The following TASOR2 variants were observed in gnomAD, a reference collection of about 807,000 sequenced individuals.
TASOR2 encodes the protein transcription activation suppressor family member 2.
A neutral mutation model predicts 199.5 loss-of-function variants in TASOR2; 84 were observed. The observed-to-expected ratio is 0.42, with a 90% CI of 0.35 to 0.50. The LOEUF (loss-of-function observed/expected upper bound fraction) is 0.50. Among genes scored for constraint, TASOR2 ranks in the 20% least tolerant of loss-of-function variants. The pLI is 0.02. For synonymous variants in TASOR2, 1,103 were observed against 1,046.6 expected (o/e 1.05, Z -1.04); for missense variants, 2,796 against 2,835.9 (o/e 0.99, Z 0.32).
rs1037302020 is a variant in TASOR2, at chr10:5,719,212, A to G, written c.-99-1332A>G. Among the ~76,000 whole-genome samples, 3 of 152,334 alleles carry G rather than the reference A, an allele frequency of 2.0e-5. No homozygotes were observed. Among genetic ancestry groups the G allele is most frequent in the East Asian group, 1.9e-4 (1 of 5,190 alleles). On this transcript the variant is annotated intron_variant, in intron 3 of 20. Transcript: ENST00000328090. The surrounding 1 kb of genome is among the most constrained non-coding windows in gnomAD (Gnocchi z 4.1). ...AAAAATTAAAATTGCCTATAGTCCC[A>G]TATCCCATTTTGATATAAGTTAATA...
chr10:5,760,092 G>T (rs559898124), intron 18 of TASOR2, among the ~76,000 whole-genome samples: 26 of 152,320 alleles, frequency 1.7e-4, no homozygotes, highest in African/African-American at 5.3e-4. Context: ...TTTTGTCTAT[G>T]TGCAGACATA....
chr10:5,717,640 A>G lies in TASOR2; in HGVS notation c.-191-19A>G. 2.7e-6 allele frequency: 3 copies of G among 1,095,566 alleles called. No homozygotes were observed. The highest frequency in any genetic ancestry group is 4.6e-5 in the South Asian group (1 of 21,598). 67.9% of individuals were successfully genotyped at this position (1,095,566 alleles called of 1,614,324 possible). A position where few individuals can be genotyped will look rare whatever the true frequency, so the allele number is the denominator to read the frequency against. Reference sequence around the variant, plus strand: ...TGATGGGCAATCTGCTGCTTAATCTATATTTTATACTTTTACAGGTGTATA... The same window carrying G: ...TGATGGGCAATCTGCTGCTTAATCTGTATTTTATACTTTTACAGGTGTATA... On this transcript the variant is annotated intron_variant, in intron 2 of 20. Coordinates refer to ENST00000328090, the Ensembl canonical transcript of TASOR2.
chr10:5,696,434 A>G (rs766169621), intron 1 of TASOR2, among the ~76,000 whole-genome samples: 2 of 152,170 alleles, frequency 1.3e-5, no homozygotes, highest in South Asian at 2.1e-4. Flanking sequence ...ATAACTCACT[A>G]TAGCGTTGAA....
In TASOR2 at chr10:5,749,173, C is replaced by T. The variant is rs747192042; in HGVS notation, c.5752C>T (p.Leu1918Phe). 2.5e-6 allele frequency: 4 copies of T among 1,613,944 alleles called. No homozygotes were observed. In the Admixed American group the frequency reaches 6.7e-5, roughly 27 times the overall value. The change falls in exon 15 of 21, where the codon CTC (leucine) becomes TTC (phenylalanine). Residue 1918 changes from leucine (L) to phenylalanine (F), a missense_variant. Physicochemically the swap from Leu to Phe is conservative, Grantham distance 22 (BLOSUM62 0). Around this residue, in one of 3 missense-constraint regions of TASOR2, gnomAD observed 1,941 missense variants for 1,924.9 expected, o/e 1.01. Transcript: ENST00000328090. ...GCCGCCTTACGTCCAAATCCGAGAT[C>T]TCCACGGGATCCTCAGGACTTACGC...
At chr10:5,733,666 G>T (rs1168660793) in intron 11 of TASOR2, among the ~76,000 whole-genome samples, 3 of 152,162 alleles carry the variant, frequency 2.0e-5, no homozygotes, top group Admixed American at 6.5e-5. Context: ...CAACACCTGG[G>T]AGTACTTGGG....
At chr10:5,733,268 G>A (rs1835090371) in intron 11 of TASOR2, among the ~76,000 whole-genome samples, 1 of 152,188 alleles carries the variant, frequency 6.6e-6, no homozygotes, top group East Asian at 1.9e-4. Context: ...AACACTTTGG[G>A]AGGCTGAGGC....
rs554323208 is a variant in TASOR2 at position 5,757,767 on chromosome 10, C to T, written c.6886+94C>T. ...TGTTTCATCCAAAAGAAATGATCAA[C>T]TCTAAGGAATATCAGTTGCCCCCTA... is the stretch of plus-strand genomic sequence containing the variant. On this transcript the variant is annotated intron_variant, in intron 17 of 20. Transcript: ENST00000328090. 8.9e-4 allele frequency: 1,222 copies of T among 1,372,156 alleles called. 2 individuals carry two copies. The highest frequency in any genetic ancestry group is 9.8e-4 in the Non-Finnish European group (964 of 983,942). The allele number at this position is 1,372,156 out of a possible 1,614,324, so 85.0% of individuals were successfully genotyped here.
exon 11 of TASOR2, chr10:5,731,124 T>C (rs1212782385): frequency 4.3e-6 from 7 of 1,612,936 alleles, no homozygotes; most frequent in Non-Finnish European, 5.9e-6. Context: ...AAAGAACTGC[T>C]TCCAGAGCAG....
chr10:5,723,043 CTTTTTTTTTTT>C (rs1183983010), intron 6 of TASOR2, among the ~76,000 whole-genome samples: 1 of 72,896 alleles, frequency 1.4e-5, no homozygotes, highest in Non-Finnish European at 2.4e-5. Context: ...CAGGAAATAA[CTTTTTTTTTTT>C]TTTTTTTTTT....
chr10:5,719,206 A>C lies in TASOR2; in HGVS notation c.-99-1338A>C, dbSNP rs1833046646. Among the ~76,000 whole-genome samples the C allele has an allele frequency of 6.6e-6, 1 of 152,246 alleles. No individual in the cohort carries two copies. The highest frequency in any genetic ancestry group is 1.5e-5 in the Non-Finnish European group (1 of 68,038). On this transcript the variant is annotated intron_variant, in intron 3 of 20. Coordinates refer to ENST00000328090, the Ensembl canonical transcript of TASOR2. This position sits in a 1 kb window ranked among gnomAD's most constrained non-coding sequence, Gnocchi z 4.1. The stretch of plus-strand genomic sequence containing the variant: ...TCTTATAAAAATTAAAATTGCCTAT[A>C]GTCCCATATCCCATTTTGATATAAG...
Position 5,740,648 on chromosome 10 carries a change from G to T in TASOR2, c.2327+151G>T. On this transcript the variant is annotated intron_variant, in intron 13 of 20. Transcript: ENST00000328090. The surrounding 1 kb of genome is among the most constrained non-coding windows in gnomAD (Gnocchi z 5.3). Reference sequence around the variant, plus strand: ...TTTGATAATAACATCAAGCAAACATGTTTCCTGGCAATTAAGAGTAACAGG... The same window carrying T: ...TTTGATAATAACATCAAGCAAACATTTTTCCTGGCAATTAAGAGTAACAGG... 1.2e-6 allele frequency: 1 copy of T among 855,122 alleles called. No homozygotes were observed. The highest frequency in any genetic ancestry group is 1.7e-6 in the Non-Finnish European group (1 of 572,534). The allele number at this position is 855,122 out of a possible 1,614,324, so 53.0% of individuals were successfully genotyped here. A position where few individuals can be genotyped will look rare whatever the true frequency, so the allele number is the denominator to read the frequency against.
At chr10:5,747,478 C>T in exon 15 of TASOR2, 3 of 1,614,004 alleles carry the variant, frequency 1.9e-6, no homozygotes, top group Non-Finnish European at 1.7e-6. Context: ...GTCAGAAGAA[C>T]CAGTAGAAAA....
At position 5,699,237 on chromosome 10, in the gene TASOR2, G is replaced by A. The variant is rs1293905708; in HGVS notation, c.-287-13586G>A. ...AGCCAATCATGAAGGACCGCGTGCT[G>A]TATGACTCTGTTTATAGGAAATGGT... On this transcript the variant is annotated intron_variant, in intron 1 of 20. Coordinates refer to ENST00000328090, the Ensembl canonical transcript of TASOR2. The surrounding 1 kb of genome is among the most constrained non-coding windows in gnomAD (Gnocchi z 4.1). Among the ~76,000 whole-genome samples the A allele has an allele frequency of 6.6e-6, 1 of 152,134 alleles. No homozygotes were observed. The highest frequency in any genetic ancestry group is 1.9e-4 in the East Asian group (1 of 5,196).
At chr10:5,736,430 A>C (rs79902831) in intron 12 of TASOR2, among the ~76,000 whole-genome samples, 1 of 137,278 alleles carries the variant, frequency 7.3e-6, no homozygotes, top group Admixed American at 7.2e-5. Flanking sequence ...AAAAAAAAAA[A>C]AGAGAGAGAG....
chr10:5,686,135 A>T (rs548724485), intron 1 of TASOR2, among the ~76,000 whole-genome samples: 2 of 152,212 alleles, frequency 1.3e-5, no homozygotes, highest in East Asian at 3.8e-4. Context: ...TGTACTGTAC[A>T]TCAATAAATA....
At chr10:5,727,730 C>T (rs866708948) in intron 10 of TASOR2, among the ~76,000 whole-genome samples, 4 of 152,160 alleles carry the variant, frequency 2.6e-5, no homozygotes, top group Admixed American at 1.3e-4. Flanking sequence ...CTGTCAAACT[C>T]GGCTTCACTA....
chr10:5,715,929 C>A (rs904952719), intron 2 of TASOR2, among the ~76,000 whole-genome samples: 7 of 152,204 alleles, frequency 4.6e-5, no homozygotes, highest in Non-Finnish European at 4.4e-5. Flanking sequence ...GTGTGAGCTA[C>A]CCTGCCTGGC....
chr10:5,696,335 C>T (rs926200424), intron 1 of TASOR2, among the ~76,000 whole-genome samples: 4 of 152,156 alleles, frequency 2.6e-5, no homozygotes, highest in African/African-American at 9.7e-5. Flanking sequence ...AAGCATTGTT[C>T]ACGTACCACA....
chr10:5,737,021 A>C lies in TASOR2; in HGVS notation c.1447+1475A>C, dbSNP rs1835706322. 6.6e-6 allele frequency among the ~76,000 whole-genome samples: 1 copy of C among 152,152 alleles called. No homozygotes were observed. Among genetic ancestry groups the C allele is most frequent in the Non-Finnish European group, 1.5e-5 (1 of 68,026 alleles). ...TGTCACCAGGCTGGAGTGCAGTAGCACGATCTCGGCTCACTGCAACCTCTG... is the reference window on the plus strand; with the variant it reads ...TGTCACCAGGCTGGAGTGCAGTAGCCCGATCTCGGCTCACTGCAACCTCTG... On this transcript the variant is annotated intron_variant, in intron 12 of 20. Coordinates refer to ENST00000328090, the Ensembl canonical transcript of TASOR2. The surrounding 1 kb of genome is among the most constrained non-coding windows in gnomAD (Gnocchi z 4.9).
Sources: allele counts gnomAD v4.1 joint callset (sites outside exome capture counted in the v4.1 genomes callset), GRCh38; gene constraint gnomAD v4.1.1; regional missense constraint gnomAD v4.1.1; non-coding constraint Gnocchi (gnomAD v3.1); transcripts MANE v1.5; gene names NCBI Gene and HGNC (gene_info 2026-07-23, HGNC 2026-07-21).